Variants in CNTNAP5 observed in about 807,000 individuals in gnomAD.
CNTNAP5 encodes the protein contactin associated protein family member 5.
In CNTNAP5, 72 loss-of-function variants were observed where a neutral mutation model predicts 150.2. That is an observed-to-expected ratio of 0.48 (90% CI 0.40 to 0.58). CNTNAP5 has a LOEUF of 0.58. CNTNAP5 is among the 20% of genes least tolerant of loss of function. CNTNAP5 has a pLI of 0.00. For synonymous variants in CNTNAP5, 672 were observed against 619.8 expected, an observed-to-expected ratio of 1.08 and a Z score of -1.25; for missense variants, 1,636 against 1,626.2, an observed-to-expected ratio of 1.01 and a Z score of -0.10.
At chr2:124,265,658 G>A (rs1393518766) in intron 3 of CNTNAP5, among the ~76,000 whole-genome samples, 1 of 152,108 alleles carries the variant, frequency 6.6e-6, no homozygotes, top group African/African-American at 2.4e-5. Flanking sequence ...GAGATGCAGG[G>A]AATGAAACTA....
chr2:124,632,202 G>C (rs1677874605), intron 12 of CNTNAP5, among the ~76,000 whole-genome samples: 1 of 152,130 alleles, frequency 6.6e-6, no homozygotes, highest in African/African-American at 2.4e-5. Context: ...CCATTACTGG[G>C]TATATGCCCA....
At chr2:124,894,700 C>T (rs1304808758) in intron 21 of CNTNAP5, among the ~76,000 whole-genome samples, 1 of 150,982 alleles carries the variant, frequency 6.6e-6, no homozygotes, top group African/African-American at 2.5e-5. Flanking sequence ...ACTACAGAAA[C>T]ACACCACCAC....
intron 1 of CNTNAP5, among the ~76,000 whole-genome samples, chr2:124,220,105 T>G (rs17391872): frequency 0.1 from 15,734 of 151,910 alleles, 869 homozygotes; most frequent in South Asian, 0.17. Flanking sequence ...CTGCTAAGAA[T>G]TTGCTGAATA....
chr2:124,036,176 G>A (rs1451235298), intron 1 of CNTNAP5, among the ~76,000 whole-genome samples: 4 of 150,574 alleles, frequency 2.7e-5, no homozygotes, highest in Non-Finnish European at 4.4e-5. Context: ...CACCCGCCTC[G>A]GCCTCCCAAA....
intron 1 of CNTNAP5, among the ~76,000 whole-genome samples, chr2:124,079,061 A>G (rs1035775614): frequency 2.0e-5 from 3 of 152,220 alleles, no homozygotes; most frequent in African/African-American, 4.8e-5. Context: ...GGCTAGATGC[A>G]GAAACAGGAC....
intron 1 of CNTNAP5, among the ~76,000 whole-genome samples, chr2:124,109,672 GC>G (rs1683251698): frequency 6.6e-6 from 1 of 152,198 alleles, no homozygotes; most frequent in Non-Finnish European, 1.5e-5. Flanking sequence ...CAGCTGGTGA[GC>G]CACAGGTGTG....
intron 4 of CNTNAP5, among the ~76,000 whole-genome samples, chr2:124,425,628 C>T (rs527635844): frequency 6.9e-6 from 1 of 145,928 alleles, no homozygotes; most frequent in South Asian, 2.2e-4. Flanking sequence ...CCAGCTTGCT[C>T]CTTAGAGTTC....
intron 13 of CNTNAP5, among the ~76,000 whole-genome samples, chr2:124,713,225 T>C (rs552853601): frequency 0.016 from 598 of 37,040 alleles, 47 homozygotes; most frequent in African/African-American, 0.042. Flanking sequence ...CTCTGTTTCT[T>C]TCTTTCTTTC....
intron 1 of CNTNAP5, among the ~76,000 whole-genome samples, chr2:124,120,667 G>A (rs1047437565): frequency 6.6e-5 from 10 of 152,250 alleles, no homozygotes; most frequent in South Asian, 4.2e-4. Flanking sequence ...TAGGCTTGGC[G>A]ATTTACAGGC....
chr2:124,811,706 C>CCG (rs1553445018), intron 19 of CNTNAP5, among the ~76,000 whole-genome samples: 1 of 136,580 alleles, frequency 7.3e-6, no homozygotes, highest in Non-Finnish European at 1.5e-5. Flanking sequence ...CTTTAGGAGG[C>CCG]GGGGGGGGTG....
At chr2:124,285,768 C>T (rs1384502616) in intron 3 of CNTNAP5, among the ~76,000 whole-genome samples, 1 of 152,048 alleles carries the variant, frequency 6.6e-6, no homozygotes, top group East Asian at 1.9e-4. Flanking sequence ...TGCCACTGCA[C>T]TCCAATGTGG....
intron 2 of CNTNAP5, among the ~76,000 whole-genome samples, chr2:124,233,972 T>C (rs1344786805): frequency 6.6e-6 from 1 of 151,992 alleles, no homozygotes; most frequent in Non-Finnish European, 1.5e-5. Flanking sequence ...CCAAGTTAAA[T>C]GTAATATGCT....
chr2:124,299,292 G>C lies in CNTNAP5; in HGVS notation c.381+56899G>C, dbSNP rs549173945. 2.0e-4 allele frequency among the ~76,000 whole-genome samples: 30 copies of C among 152,162 alleles called. No individual in the cohort carries two copies. In the South Asian group the frequency reaches 6.2e-3, roughly 32 times the overall value. On this transcript the variant is annotated intron_variant, in intron 3 of 23. Transcript: ENST00000682447. ...TCAGGGGACCCCTTTTTACCCGGCT[G>C]TCTCAACAGTACTCATTAGTTATTT...
chr2:124,839,144 T>G lies in CNTNAP5; in HGVS notation c.3218-26162T>G, dbSNP rs1667302967. On this transcript the variant is annotated intron_variant, in intron 19 of 23. Coordinates refer to ENST00000682447, the MANE Select transcript of CNTNAP5 (RefSeq NM_001367498.1). ...AGTGGGCTGGGTTGGCTGAGATGGGTGGTGCTCCTTCCAGTAGAGTGTATG... is the reference window on the plus strand; with the variant it reads ...AGTGGGCTGGGTTGGCTGAGATGGGGGGTGCTCCTTCCAGTAGAGTGTATG... Among the ~76,000 whole-genome samples the G allele has an allele frequency of 2.6e-5, 4 of 152,060 alleles. No individual in the cohort carries two copies. The South Asian group carries it at 6.2e-4, about 24-fold the overall frequency.
At chr2:124,345,423 C>T (rs1164411364) in intron 3 of CNTNAP5, among the ~76,000 whole-genome samples, 1 of 152,118 alleles carries the variant, frequency 6.6e-6, no homozygotes, top group Non-Finnish European at 1.5e-5. Context: ...TCACAGCAAG[C>T]TCATTATCAG....
chr2:124,578,331 A>C (rs1279206313), intron 11 of CNTNAP5, among the ~76,000 whole-genome samples: 1 of 127,294 alleles, frequency 7.9e-6, no homozygotes, highest in East Asian at 2.2e-4. Context: ...ACTTTGTCTC[A>C]AAAAAAAAAA....
intron 13 of CNTNAP5, among the ~76,000 whole-genome samples, chr2:124,709,226 T>C (rs1314341340): frequency 7.1e-6 from 1 of 140,018 alleles, no homozygotes; most frequent in Non-Finnish European, 1.6e-5. Flanking sequence ...GGTGTGTGTG[T>C]GTGTGCGTGT....
intron 11 of CNTNAP5, among the ~76,000 whole-genome samples, chr2:124,571,828 A>T (rs1156279484): frequency 1.3e-5 from 2 of 151,958 alleles, no homozygotes; most frequent in Non-Finnish European, 2.9e-5. Context: ...CTCTTTCATC[A>T]TAATGATTGG....
chr2:124,124,076 A>T, intron 1 of CNTNAP5, among the ~76,000 whole-genome samples: 1 of 152,218 alleles, frequency 6.6e-6, no homozygotes, highest in East Asian at 1.9e-4. Flanking sequence ...AAGTTGAGAG[A>T]AGGAGGCTTC....
Sources: gnomAD v4.1 joint callset for allele counts (sites outside exome capture counted in the v4.1 genomes callset) on GRCh38, gnomAD v4.1.1 for gene constraint, MANE v1.5 for transcripts, NCBI Gene and HGNC (gene_info 2026-07-23, HGNC 2026-07-21) for gene names.